NBEA: variants seen among roughly 807,000 people sequenced by gnomAD.
NBEA encodes the protein neurobeachin.
Under a neutral mutation model 343.4 loss-of-function variants are expected in NBEA, and 44 were observed. The ratio of observed to expected loss-of-function variants is 0.13; its 90% CI spans 0.10 to 0.16. The LOEUF (loss-of-function observed/expected upper bound fraction) is 0.16, where lower values mean the gene tolerates loss of function less well. NBEA is among the 10% of genes least tolerant of loss of function. The probability of loss-of-function intolerance (pLI) is 1.00; values close to 1 mark genes in which losing one functional copy is unlikely to be tolerated. For synonymous variants in NBEA, 1,175 were observed against 1,238.7 expected, an observed-to-expected ratio of 0.95 and a Z score of 1.08; for missense variants, 2,555 against 3,631.3, an observed-to-expected ratio of 0.70 and a Z score of 7.62.
At chr13:35,042,280 G>A (rs887798939) in intron 2 of NBEA, among the ~76,000 whole-genome samples, 2 of 151,638 alleles carry the variant, frequency 1.3e-5, no homozygotes, top group East Asian at 1.9e-4. Context: ...CCTGTATTGG[G>A]TACTGATGGC....
intron 1 of NBEA, among the ~76,000 whole-genome samples, chr13:35,029,118 A>G (rs747857779): frequency 2.7e-5 from 4 of 150,832 alleles, no homozygotes; most frequent in South Asian, 2.1e-4. Context: ...ATTTTCTCAG[A>G]AACTTTTCTT....
At chr13:35,065,434 T>A (rs1364727003) in intron 8 of NBEA, among the ~76,000 whole-genome samples, 1 of 152,062 alleles carries the variant, frequency 6.6e-6, no homozygotes, top group Non-Finnish European at 1.5e-5. Flanking sequence ...GTATTGGTGT[T>A]GGTCACTGTG....
intron 8 of NBEA, among the ~76,000 whole-genome samples, chr13:35,060,191 A>G (rs1232759214): frequency 6.6e-6 from 1 of 151,868 alleles, no homozygotes; most frequent in Non-Finnish European, 1.5e-5. Context: ...AAATATAAGA[A>G]GGTAGAATAT....
At chr13:35,136,270 G>A (rs893489820) in intron 17 of NBEA, among the ~76,000 whole-genome samples, 10 of 152,154 alleles carry the variant, frequency 6.6e-5, no homozygotes, top group African/African-American at 2.2e-4. Context: ...CCACATTAGA[G>A]TGATAGGAAT....
intron 1 of NBEA, among the ~76,000 whole-genome samples, chr13:35,040,431 A>G (rs2062607042): frequency 6.6e-6 from 1 of 151,738 alleles, no homozygotes; most frequent in South Asian, 2.1e-4. Flanking sequence ...ATTTTTTAAC[A>G]TTCATTTCAT....
rs568227067 is a variant in NBEA at position 35,120,965 on chromosome 13, G to C, written c.2243+2491G>C. 1.3e-5 allele frequency among the ~76,000 whole-genome samples: 2 copies of C among 152,244 alleles called. 1 individual carries two copies. The highest frequency in any genetic ancestry group is 4.1e-4 in the South Asian group (2 of 4,830). ...TAGACATTTTCATGTTTCAACATTAGTCATAATTTCTCTTGACCCAGGGTG... is the reference window on the plus strand; with the variant it reads ...TAGACATTTTCATGTTTCAACATTACTCATAATTTCTCTTGACCCAGGGTG... On this transcript the variant is annotated intron_variant, in intron 16 of 58. Transcript: ENST00000379939.
intron 38 of NBEA, among the ~76,000 whole-genome samples, chr13:35,403,661 A>G (rs917700974): frequency 1.3e-5 from 2 of 152,062 alleles, no homozygotes; most frequent in Non-Finnish European, 2.9e-5. Flanking sequence ...CCTAGAAGAA[A>G]ACCTAGGCAT....
intron 7 of NBEA, among the ~76,000 whole-genome samples, chr13:35,058,502 G>T (rs547159510): frequency 6.6e-6 from 1 of 152,062 alleles, no homozygotes; most frequent in East Asian, 1.9e-4. Flanking sequence ...GCTATTGTTT[G>T]TTTGCTTAAA....
intron 41 of NBEA, among the ~76,000 whole-genome samples, chr13:35,524,147 T>C (rs1158821721): frequency 6.6e-6 from 1 of 152,198 alleles, no homozygotes. Context: ...AAGAGGATAA[T>C]GTAAAGCCTC....
chr13:35,336,614 G>A (rs1183119859), intron 36 of NBEA, among the ~76,000 whole-genome samples: 1 of 151,840 alleles, frequency 6.6e-6, no homozygotes, highest in Non-Finnish European at 1.5e-5. Context: ...CAGAGACATG[G>A]AATCAACATA....
intron 7 of NBEA, among the ~76,000 whole-genome samples, chr13:35,057,948 A>G (rs200314927): frequency 6.6e-6 from 1 of 152,110 alleles, no homozygotes; most frequent in East Asian, 1.9e-4. Flanking sequence ...TGCAGTACGA[A>G]AAGTACTTCT....
At position 35,544,564 on chromosome 13, in the gene NBEA, G is replaced by A. The variant is rs528198294; in HGVS notation, c.6586-5913G>A. Among the ~76,000 whole-genome samples, 22 of 152,196 alleles carry A rather than the reference G, an allele frequency of 1.4e-4. No homozygotes were observed. The East Asian group carries it at 4.2e-3, about 29-fold the overall frequency. On this transcript the variant is annotated intron_variant, in intron 41 of 58. Coordinates refer to ENST00000379939, the MANE Select transcript of NBEA (RefSeq NM_001385012.1). ...GTGGTAAGCACATATTTGAGTAGGT[G>A]GTTTACAAGGGATTTCTATGACATT...
At chr13:35,578,838 A>G (rs1358004362) in intron 45 of NBEA, among the ~76,000 whole-genome samples, 1 of 152,194 alleles carries the variant, frequency 6.6e-6, no homozygotes, top group African/African-American at 2.4e-5. Flanking sequence ...CATATACACA[A>G]TGAGATAGCT....
At chr13:34,961,601 C>T (rs1198137110) in intron 1 of NBEA, among the ~76,000 whole-genome samples, 4 of 151,890 alleles carry the variant, frequency 2.6e-5, no homozygotes, top group East Asian at 3.9e-4. Flanking sequence ...GATTACTTAC[C>T]GTATGTAAAG....
intron 10 of NBEA, among the ~76,000 whole-genome samples, chr13:35,071,853 A>G (rs1289844404): frequency 6.6e-6 from 1 of 152,104 alleles, no homozygotes; most frequent in Non-Finnish European, 1.5e-5. Flanking sequence ...TCTTTATGTA[A>G]AGTATAAATC....
chr13:35,360,823 G>A (rs1371524149), intron 38 of NBEA, among the ~76,000 whole-genome samples: 1 of 151,822 alleles, frequency 6.6e-6, no homozygotes, highest in Non-Finnish European at 1.5e-5. Flanking sequence ...CAGATTGAGG[G>A]AAAAATTAAC....
chr13:34,955,723 A>G (rs1294935912), intron 1 of NBEA, among the ~76,000 whole-genome samples: 2 of 152,178 alleles, frequency 1.3e-5, no homozygotes, highest in Non-Finnish European at 2.9e-5. Context: ...TTCTAGTAGT[A>G]CAGTTGACCA....
chr13:34,985,852 G>A (rs1164862381), intron 1 of NBEA, among the ~76,000 whole-genome samples: 1 of 150,844 alleles, frequency 6.6e-6, no homozygotes, highest in Non-Finnish European at 1.5e-5. Context: ...TCTGATGGTA[G>A]TTTGTATTTC....
rs147272054 is a variant in NBEA, at chr13:35,614,146, T to C, written c.7449+7568T>C. Among the ~76,000 whole-genome samples the C allele has an allele frequency of 4.6e-4, 70 of 152,352 alleles. No individual in the cohort carries two copies. The East Asian group carries it at 0.013, about 28-fold the overall frequency. On this transcript the variant is annotated intron_variant, in intron 48 of 58. Coordinates refer to ENST00000379939, the MANE Select transcript of NBEA (RefSeq NM_001385012.1). ...TATGTCCATTGGCCATTTGTATGTC[T>C]TCTTTTGAGAAATATTTATTTAAAT...
Sources: gnomAD v4.1 joint callset for allele counts (sites outside exome capture counted in the v4.1 genomes callset) on GRCh38, gnomAD v4.1.1 for gene constraint, MANE v1.5 for transcripts, NCBI Gene and HGNC (gene_info 2026-07-23, HGNC 2026-07-21) for gene names.